Variants in BCL2L11 observed in about 807,000 individuals in gnomAD.
BCL2L11 encodes BCL2 like 11.
BCL2L11 carries 15 observed loss-of-function variants against 20.6 expected under a neutral mutation model. That is an observed-to-expected ratio of 0.73 (90% CI 0.49 to 1.12). The LOEUF is 1.12. BCL2L11 is among the 50% of genes most tolerant of loss of function. BCL2L11 has a pLI of 0.00. For synonymous variants in BCL2L11, 108 were observed against 92.8 expected (o/e 1.16, Z -0.94); for missense variants, 292 against 260.9 (o/e 1.12, Z -0.82).
At chr2:111,123,442 G>A in intron 1 of BCL2L11, 1 of 985,460 alleles carries the variant, frequency 1.0e-6, no homozygotes, top group Non-Finnish European at 1.2e-6. Flanking sequence ...GAGCACACAC[G>A]AATAGACTTC....
chr2:111,142,570 T>C (rs752822050), intron 2 of BCL2L11, among the ~76,000 whole-genome samples: 5 of 152,242 alleles, frequency 3.3e-5, no homozygotes, highest in Non-Finnish European at 7.3e-5. Context: ...GTATACATTA[T>C]AGGCTTTTTC....
chr2:111,141,028 A>C (rs1020482549), intron 2 of BCL2L11, among the ~76,000 whole-genome samples: 3 of 152,180 alleles, frequency 2.0e-5, no homozygotes, highest in Non-Finnish European at 4.4e-5. Context: ...GTGGAGTAGG[A>C]GGTTCCAGCA....
At chr2:111,152,709 G>T (rs1055705753) in intron 3 of BCL2L11, among the ~76,000 whole-genome samples, 2 of 152,210 alleles carry the variant, frequency 1.3e-5, no homozygotes, top group Non-Finnish European at 2.9e-5. Context: ...TTGCCTCTCT[G>T]TTGAGGATGT....
intron 2 of BCL2L11, among the ~76,000 whole-genome samples, chr2:111,140,962 A>G (rs1427799358): frequency 6.6e-6 from 1 of 152,240 alleles, no homozygotes; most frequent in Non-Finnish European, 1.5e-5. Flanking sequence ...AGCCTGGCAT[A>G]CACTGTACAA....
chr2:111,135,434 T>A (rs1389913019), intron 2 of BCL2L11, among the ~76,000 whole-genome samples: 1 of 152,070 alleles, frequency 6.6e-6, no homozygotes, highest in Non-Finnish European at 1.5e-5. Context: ...CCTCAGCCAC[T>A]GCTGACACCA....
chr2:111,153,951 G>C, intron 3 of BCL2L11: 1 of 1,459,702 alleles, frequency 6.9e-7, no homozygotes, highest in South Asian at 1.4e-5. Context: ...TCCCGATGCA[G>C]TGTCATTCCC....
intron 2 of BCL2L11, among the ~76,000 whole-genome samples, chr2:111,136,293 C>A (rs1176606467): frequency 6.6e-6 from 1 of 152,206 alleles, no homozygotes; most frequent in Non-Finnish European, 1.5e-5. Context: ...AAACGGCATA[C>A]TCCCTGTCCG....
In BCL2L11 at chr2:111,120,978, C is replaced by G. The variant is rs2070757478; in HGVS notation, c.-224C>G. 1 of 284,810 alleles carries G rather than the reference C, an allele frequency of 3.5e-6. No homozygotes were observed. The highest frequency in any genetic ancestry group is 5.7e-6 in the Non-Finnish European group (1 of 176,936). 17.6% of individuals were successfully genotyped at this position (284,810 alleles called of 1,614,324 possible). A position where few individuals can be genotyped will look rare whatever the true frequency, so the allele number is the denominator to read the frequency against. On this transcript the variant is annotated 5_prime_UTR_variant, in exon 1 of 4. Transcript: ENST00000393256. ...AGCTCTGCGTCCAGCGCCGCTGCCG[C>G]TGCCGCCGCCGCCGCCGCCGCCGCC...
intron 2 of BCL2L11, among the ~76,000 whole-genome samples, chr2:111,133,028 G>C (rs2074237937): frequency 2.0e-5 from 3 of 152,092 alleles, no homozygotes; most frequent in Admixed American, 6.5e-5. Flanking sequence ...CTCAGGATAT[G>C]GTCTATTTTG....
chr2:111,162,778 A>C (rs1410668913), intron 3 of BCL2L11: 1 of 152,196 alleles, frequency 6.6e-6, no homozygotes, highest in African/African-American at 2.4e-5. Flanking sequence ...CACTTTCTTC[A>C]TTTTAGTAAG....
chr2:111,136,005 T>A (rs563946885), intron 2 of BCL2L11, among the ~76,000 whole-genome samples: 30 of 152,278 alleles, frequency 2.0e-4, no homozygotes, highest in African/African-American at 7.0e-4. Flanking sequence ...GAGCACCTCC[T>A]GCTTCCCCTG....
In BCL2L11 at chr2:111,166,905, T is replaced by C. The variant is rs1428383454; in HGVS notation, c.*2674T>C. ...TTAGATTCGTAGGTCATATTACTTATCAACTGAGCCAAATGTCTGTGTGCA... is the reference window on the plus strand; with the variant it reads ...TTAGATTCGTAGGTCATATTACTTACCAACTGAGCCAAATGTCTGTGTGCA... On this transcript the variant is annotated 3_prime_UTR_variant, in exon 4 of 4. Coordinates refer to ENST00000393256, the MANE Select transcript of BCL2L11 (RefSeq NM_138621.5). 2 of 152,652 alleles carry C rather than the reference T, an allele frequency of 1.3e-5. No homozygotes were observed. The highest frequency in any genetic ancestry group is 1.9e-4 in the East Asian group (1 of 5,202). 9.5% of individuals were successfully genotyped at this position (152,652 alleles called of 1,614,324 possible).
chr2:111,123,696 T>G (rs774900916), intron 1 of BCL2L11, 37 bp from the exon 2 acceptor site: 17 of 1,381,906 alleles, frequency 1.2e-5, no homozygotes, highest in Non-Finnish European at 1.5e-5. Flanking sequence ...ATTTTTTTTT[T>G]TGCTTAAAAT....
intron 3 of BCL2L11, chr2:111,154,013 T>C (rs2150531213): frequency 8.2e-7 from 1 of 1,224,500 alleles, no homozygotes; most frequent in East Asian, 3.0e-5. Context: ...GTCGGAGTTT[T>C]ACTACTCCAG....
chr2:111,124,435 C>T (rs904848151), intron 2 of BCL2L11, among the ~76,000 whole-genome samples: 1 of 152,012 alleles, frequency 6.6e-6, no homozygotes, highest in Non-Finnish European at 1.5e-5. Context: ...GGACTACAGG[C>T]GCGTGCCACC....
At chr2:111,123,156 C>T (rs2071571994) in intron 1 of BCL2L11, 1 of 985,242 alleles carries the variant, frequency 1.0e-6, no homozygotes. Flanking sequence ...GGAGGGAGCA[C>T]GGGCGGAGAG....
intron 2 of BCL2L11, among the ~76,000 whole-genome samples, chr2:111,149,834 A>T (rs1012413902): frequency 2.6e-5 from 4 of 152,212 alleles, no homozygotes; most frequent in Non-Finnish European, 5.9e-5. Flanking sequence ...AGGAAATTTT[A>T]TTCTATATCT....
chr2:111,157,115 C>T (rs565760944), intron 3 of BCL2L11, among the ~76,000 whole-genome samples: 2 of 152,182 alleles, frequency 1.3e-5, no homozygotes, highest in African/African-American at 2.4e-5. Context: ...GTTTGCACCA[C>T]GTGTGAGTGC....
intron 2 of BCL2L11, among the ~76,000 whole-genome samples, chr2:111,139,123 C>CA (rs1454302089): frequency 6.6e-6 from 1 of 151,914 alleles, no homozygotes; most frequent in East Asian, 1.9e-4. Flanking sequence ...AACAAGCAAG[C>CA]AAAAAAGAAC....
Sources: gnomAD v4.1 joint callset for allele counts (sites outside exome capture counted in the v4.1 genomes callset) on GRCh38, gnomAD v4.1.1 for gene constraint, MANE v1.5 for transcripts, NCBI Gene and HGNC (gene_info 2026-07-23, HGNC 2026-07-21) for gene names.